MBNL1: variants seen among roughly 807,000 people sequenced by gnomAD.
MBNL1 encodes muscleblind-like protein 1.
MBNL1 carries 8 observed loss-of-function variants against 42.2 expected under a neutral mutation model. The observed-to-expected ratio is 0.19, with a 90% CI of 0.11 to 0.34. MBNL1 has a LOEUF of 0.34. MBNL1 is among the 10% of genes least tolerant of loss of function. The probability of loss-of-function intolerance (pLI) is 1.00; values close to 1 mark genes in which losing one functional copy is unlikely to be tolerated. For missense variants in MBNL1, 309 were observed against 495.3 expected, an observed-to-expected ratio of 0.62 and a Z score of 3.57; for synonymous variants, 169 against 173.9, an observed-to-expected ratio of 0.97 and a Z score of 0.22.
rs532842950 is a variant in MBNL1, at chr3:152,325,087, GCC to G, written c.174+24728_174+24729del. The stretch of plus-strand genomic sequence containing the variant: ...TGTTCCCATGTAATGCCACATACCC[GCC>G]CCCCCCCGCCCGCTTTTTTTTCATT... On this transcript the variant is annotated intron_variant, in intron 2 of 9. Coordinates refer to ENST00000324210, the MANE Select transcript of MBNL1 (RefSeq NM_021038.5). Among the ~76,000 whole-genome samples, 3 of 15,368 alleles carry G rather than the reference GCC, an allele frequency of 2.0e-4. 1 individual carries two copies. Among genetic ancestry groups the G allele is most frequent in the Admixed American group, 7.2e-4 (1 of 1,390 alleles). 10.1% of individuals were successfully genotyped at this position (15,368 alleles called of 152,430 possible).
At chr3:152,378,394 T>C (rs941016545) in intron 2 of MBNL1, among the ~76,000 whole-genome samples, 2 of 152,190 alleles carry the variant, frequency 1.3e-5, no homozygotes, top group African/African-American at 4.8e-5. Context: ...TAATGTACTT[T>C]TTAAAAATAT....
At chr3:152,275,372 T>G (rs951127559) in intron 1 of MBNL1, among the ~76,000 whole-genome samples, 2 of 152,164 alleles carry the variant, frequency 1.3e-5, no homozygotes, top group Admixed American at 6.5e-5. Flanking sequence ...TCTGAAGAGA[T>G]ACACCACGAG....
At chr3:152,367,180 C>A (rs1291378634) in intron 2 of MBNL1, among the ~76,000 whole-genome samples, 1 of 151,608 alleles carries the variant, frequency 6.6e-6, no homozygotes, top group East Asian at 1.9e-4. Context: ...CTCCCCTAGC[C>A]CCCCACCCCC....
At chr3:152,405,680 C>T (rs1379873351) in intron 2 of MBNL1, among the ~76,000 whole-genome samples, 1 of 152,044 alleles carries the variant, frequency 6.6e-6, no homozygotes, top group African/African-American at 2.4e-5. Context: ...TCTGTTTTAT[C>T]CCCAGGAAAG....
At chr3:152,322,622 A>T (rs2077101898) in intron 2 of MBNL1, among the ~76,000 whole-genome samples, 1 of 152,054 alleles carries the variant, frequency 6.6e-6, no homozygotes, top group Non-Finnish European at 1.5e-5. Flanking sequence ...GATTGGTATG[A>T]GTTATTTTAC....
At chr3:152,455,684 C>A in intron 7 of MBNL1, 107 bp downstream of exon 7, 3 of 944,064 alleles carry the variant, frequency 3.2e-6, no homozygotes, top group Non-Finnish European at 5.1e-6. Flanking sequence ...AAGTCCATTT[C>A]CCTTTTACTA....
rs1483122096 is a variant in MBNL1 at position 152,249,700 on chromosome 3, A to T, written n.333+5260A>T. On this transcript the variant is annotated intron_variant and non_coding_transcript_variant, in intron 2 of 2. Coordinates refer to the MBNL1 transcript ENST00000477171. ...AGACATGAAGTCCTTGCCCATGCCT[A>T]TGTCCTGAATGGTAATGCCTAGGTT... Among the ~76,000 whole-genome samples the T allele has an allele frequency of 4.7e-5, 7 of 148,828 alleles. No individual in the cohort carries two copies. In the Admixed American group the frequency reaches 4.7e-4, roughly 10 times the overall value.
chr3:152,312,065 G>A (rs1472868482), intron 2 of MBNL1, among the ~76,000 whole-genome samples: 1 of 151,018 alleles, frequency 6.6e-6, no homozygotes, highest in Non-Finnish European at 1.5e-5. Flanking sequence ...AGTGGCGGGC[G>A]CCTGTAGTCC....
chr3:152,426,897 C>T (rs1415461929), intron 3 of MBNL1, among the ~76,000 whole-genome samples: 1 of 152,230 alleles, frequency 6.6e-6, no homozygotes, highest in Non-Finnish European at 1.5e-5. Flanking sequence ...TTTGCTGTCA[C>T]ATCATGTTCC....
chr3:152,432,507 T>A (rs1258269415), intron 3 of MBNL1, among the ~76,000 whole-genome samples: 1 of 152,184 alleles, frequency 6.6e-6, no homozygotes, highest in East Asian at 1.9e-4. Context: ...ATATTTTACT[T>A]ATTATATTTT....
intron 2 of MBNL1, among the ~76,000 whole-genome samples, chr3:152,397,346 GT>G (rs1437486759): frequency 1.3e-5 from 2 of 152,048 alleles, no homozygotes; most frequent in Non-Finnish European, 2.9e-5. Flanking sequence ...TCCTGATGCT[GT>G]CCCTCTGCTA....
chr3:152,281,728 C>G (rs2150375254), intron 1 of MBNL1, among the ~76,000 whole-genome samples: 1 of 152,194 alleles, frequency 6.6e-6, no homozygotes, highest in East Asian at 1.9e-4. Context: ...GTGCCTTGAG[C>G]CCCAAAAGAG....
intron 2 of MBNL1, among the ~76,000 whole-genome samples, chr3:152,378,914 C>T (rs568750515): frequency 1.3e-5 from 2 of 151,758 alleles, no homozygotes; most frequent in South Asian, 4.2e-4. Flanking sequence ...TCAGGTGTCA[C>T]TATGTTGCTC....
At chr3:152,422,575 G>A (rs1168711902) in intron 3 of MBNL1, among the ~76,000 whole-genome samples, 1 of 152,168 alleles carries the variant, frequency 6.6e-6, no homozygotes, top group Non-Finnish European at 1.5e-5. Context: ...TTCAGGAATT[G>A]AACTCAGCTC....
intron 4 of MBNL1, among the ~76,000 whole-genome samples, chr3:152,440,577 G>C (rs2099133401): frequency 6.6e-6 from 1 of 152,158 alleles, no homozygotes; most frequent in Non-Finnish European, 1.5e-5. Flanking sequence ...CAACATGTGG[G>C]AATTCAAGAT....
chr3:152,451,940 T>A (rs1208023129), intron 6 of MBNL1, among the ~76,000 whole-genome samples: 2 of 152,208 alleles, frequency 1.3e-5, no homozygotes, highest in Admixed American at 1.3e-4. Context: ...AAGGTTTAGA[T>A]TTAAGTACAA....
chr3:152,399,518 AT>A (rs879464935), intron 2 of MBNL1, among the ~76,000 whole-genome samples: 666 of 146,838 alleles, frequency 4.5e-3, no homozygotes, highest in Non-Finnish European at 7.7e-3. Flanking sequence ...TTAATTAATT[AT>A]TTTTTTTTTT....
chr3:152,339,480 T>C (rs1456266964), intron 2 of MBNL1, among the ~76,000 whole-genome samples: 1 of 151,950 alleles, frequency 6.6e-6, no homozygotes, highest in Non-Finnish European at 1.5e-5. Flanking sequence ...TTCCTTTTCT[T>C]TTTTTTCCCC....
At chr3:152,361,839 A>G (rs540263947) in intron 2 of MBNL1, among the ~76,000 whole-genome samples, 1 of 152,350 alleles carries the variant, frequency 6.6e-6, no homozygotes, top group Non-Finnish European at 1.5e-5. Context: ...TGTACATTTA[A>G]TAAATTATCC....
Sources: gnomAD v4.1 joint callset for allele counts (sites outside exome capture counted in the v4.1 genomes callset) on GRCh38, gnomAD v4.1.1 for gene constraint, MANE v1.5 for transcripts, NCBI Gene and HGNC (gene_info 2026-07-23, HGNC 2026-07-21) for gene names.